The following NRG1 variants were observed in gnomAD, a reference collection of about 807,000 sequenced individuals.
The protein encoded by NRG1 is pro-neuregulin-1, membrane-bound isoform.
A neutral mutation model predicts 63.8 loss-of-function variants in NRG1; 18 were observed. The ratio of observed to expected loss-of-function variants is 0.28; its 90% CI spans 0.19 to 0.42. The LOEUF (loss-of-function observed/expected upper bound fraction) is 0.42. Ranked by LOEUF, NRG1 falls within the 10% of genes least tolerant of loss-of-function variation. The pLI is 1.00. For synonymous variants in NRG1, 302 were observed against 301.3 expected, an observed-to-expected ratio of 1.00 and a Z score of -0.02; for missense variants, 762 against 814.7, an observed-to-expected ratio of 0.94 and a Z score of 0.79.
chr8:31,926,034 G>A (rs1834331925), intron 1 of NRG1, among the ~76,000 whole-genome samples: 1 of 152,152 alleles, frequency 6.6e-6, no homozygotes, highest in African/African-American at 2.4e-5. Context: ...TGAATAAAAT[G>A]TAAAGGTTCT....
chr8:31,692,654 G>T (rs1411914077), intron 1 of NRG1, among the ~76,000 whole-genome samples: 1 of 152,186 alleles, frequency 6.6e-6, no homozygotes, highest in African/African-American at 2.4e-5. Context: ...CAGCTGCCTT[G>T]ATATGGATAC....
chr8:32,629,736 A>C (rs1849938270), intron 5 of NRG1, among the ~76,000 whole-genome samples: 2 of 152,034 alleles, frequency 1.3e-5, no homozygotes, highest in African/African-American at 4.8e-5. Flanking sequence ...ACTTGTTTTC[A>C]TGGTAATTTA....
intron 1 of NRG1, among the ~76,000 whole-genome samples, chr8:32,502,714 C>T (rs1379324478): frequency 6.6e-6 from 1 of 151,906 alleles, no homozygotes; most frequent in African/African-American, 2.4e-5. Context: ...TCTTTGCCTG[C>T]AGAGTTTTGT....
At chr8:31,849,983 A>AT (rs1453417949) in intron 1 of NRG1, among the ~76,000 whole-genome samples, 33 of 152,298 alleles carry the variant, frequency 2.2e-4, no homozygotes, top group African/African-American at 7.5e-4. Flanking sequence ...AAAATAAAAT[A>AT]TAGAAGTGTT....
chr8:32,199,118 A>G (rs994083157), intron 1 of NRG1, among the ~76,000 whole-genome samples: 2 of 152,036 alleles, frequency 1.3e-5, no homozygotes, highest in African/African-American at 2.4e-5. Flanking sequence ...GGCTTTTTAT[A>G]AGCCTGTTGA....
intron 1 of NRG1, among the ~76,000 whole-genome samples, chr8:31,994,681 C>CAA (rs1811679811): frequency 1.5e-5 from 1 of 65,892 alleles, no homozygotes; most frequent in African/African-American, 4.0e-5. Context: ...AAAAAAAAGA[C>CAA]TTCAAATAGC....
intron 1 of NRG1, among the ~76,000 whole-genome samples, chr8:31,716,804 G>A (rs1408745532): frequency 6.6e-6 from 1 of 152,162 alleles, no homozygotes; most frequent in Admixed American, 6.5e-5. Flanking sequence ...TAATCAAACA[G>A]TAACGCTATC....
intron 1 of NRG1, among the ~76,000 whole-genome samples, chr8:32,503,091 C>T (rs1828060450): frequency 6.6e-6 from 1 of 151,230 alleles, no homozygotes; most frequent in Admixed American, 6.6e-5. Flanking sequence ...GGAGACCATC[C>T]TGGCTAACAC....
Position 31,640,762 on chromosome 8 carries a change from C to T in NRG1, c.37+1331C>T, listed in dbSNP as rs1430963218. 2 of 1,469,448 alleles carry T rather than the reference C, an allele frequency of 1.4e-6. No homozygotes were observed. The highest frequency in any genetic ancestry group is 2.7e-5 in the East Asian group (1 of 37,406). The allele number at this position is 1,469,448 out of a possible 1,614,324, so 91.0% of individuals were successfully genotyped here. A position where few individuals can be genotyped will look rare whatever the true frequency, so the allele number is the denominator to read the frequency against. ...CCTCGCCCTTGGGGGCGCGAACCCGCGGCGAGGAGGGCGCATCCCGGGCGC... is the reference window on the plus strand; with the variant it reads ...CCTCGCCCTTGGGGGCGCGAACCCGTGGCGAGGAGGGCGCATCCCGGGCGC... On this transcript the variant is annotated intron_variant, in intron 1 of 10. Coordinates refer to the NRG1 transcript ENST00000519301. This position sits in a 1 kb window ranked among gnomAD's most constrained non-coding sequence, Gnocchi z 6.3.
chr8:32,463,106 A>C (rs1320954378), intron 1 of NRG1, among the ~76,000 whole-genome samples: 1 of 151,608 alleles, frequency 6.6e-6, no homozygotes, highest in Non-Finnish European at 1.5e-5. Flanking sequence ...TAGCAGGTTC[A>C]TTCATGTTGT....
chr8:32,645,119 C>T (rs751106090), intron 5 of NRG1, among the ~76,000 whole-genome samples: 97 of 152,216 alleles, frequency 6.4e-4, no homozygotes, highest in Non-Finnish European at 1.2e-3. Context: ...GCATAAACAC[C>T]TGCTGATATT....
chr8:32,571,733 C>T lies in NRG1; in HGVS notation c.100+22907C>T, dbSNP rs1196739995. On this transcript the variant is annotated intron_variant, in intron 1 of 11. Transcript: ENST00000356819. ...ACTCTGTTTCATCTTTTTCTTGTTA[C>T]TACCAATAGGAGTAAATTGAGTGAC... is the stretch of plus-strand genomic sequence containing the variant. 2.0e-5 allele frequency among the ~76,000 whole-genome samples: 3 copies of T among 152,060 alleles called. No homozygotes were observed. The East Asian group carries it at 5.8e-4, about 29-fold the overall frequency.
downstream of NRG1, among the ~76,000 whole-genome samples, chr8:32,768,339 C>G (rs562023135): frequency 7.2e-4 from 110 of 152,286 alleles, no homozygotes; most frequent in Non-Finnish European, 8.5e-4. Context: ...ACGTGCCATT[C>G]AATCACGAAA....
intron 1 of NRG1, among the ~76,000 whole-genome samples, chr8:32,397,327 A>G (rs1406064527): frequency 1.1e-4 from 16 of 152,204 alleles, no homozygotes; most frequent in Admixed American, 1.0e-3. Context: ...AATGAAAATA[A>G]TAATAAAATC....
intron 1 of NRG1, among the ~76,000 whole-genome samples, chr8:32,211,658 T>A (rs534057877): frequency 6.2e-4 from 95 of 152,290 alleles, no homozygotes; most frequent in African/African-American, 2.1e-3. Context: ...AACTTGAACA[T>A]CTTTCCATAT....
rs1269397612 is a variant in NRG1 at position 32,407,276 on chromosome 8, T to C, written c.38-188552T>C. ...TATATGTGTGTGTGTATATATATAT[T>C]ATATATATATATATATATTATATAT... On this transcript the variant is annotated intron_variant, in intron 1 of 10. Transcript: ENST00000519301. Among the ~76,000 whole-genome samples the C allele has an allele frequency of 1.3e-4, 6 of 45,168 alleles. 1 individual carries two copies. The highest frequency in any genetic ancestry group is 2.3e-4 in the Non-Finnish European group (5 of 21,886). 29.6% of individuals were successfully genotyped at this position (45,168 alleles called of 152,430 possible).
chr8:32,536,847 C>A (rs1832022776), intron 1 of NRG1, among the ~76,000 whole-genome samples: 1 of 132,770 alleles, frequency 7.5e-6, no homozygotes, highest in Admixed American at 9.2e-5. Flanking sequence ...TGGTGTGAAC[C>A]CGGGAGGCGG....
intron 1 of NRG1, among the ~76,000 whole-genome samples, chr8:31,757,756 T>A (rs1226144451): frequency 6.6e-6 from 1 of 152,116 alleles, no homozygotes; most frequent in Non-Finnish European, 1.5e-5. Context: ...ACATTTTTAT[T>A]GAGATATAAT....
At chr8:32,568,136 G>A (rs187660007) in intron 1 of NRG1, among the ~76,000 whole-genome samples, 2 of 152,356 alleles carry the variant, frequency 1.3e-5, no homozygotes, top group Admixed American at 1.3e-4. Context: ...ATGAATGGGA[G>A]GGGATTGGTC....
Sources: gnomAD v4.1 joint callset for allele counts (sites outside exome capture counted in the v4.1 genomes callset) on GRCh38, gnomAD v4.1.1 for gene constraint, Gnocchi (gnomAD v3.1) non-coding constraint, MANE v1.5 for transcripts, NCBI Gene and HGNC (gene_info 2026-07-23, HGNC 2026-07-21) for gene names.